SOX5: variants seen among roughly 807,000 people sequenced by gnomAD.
SOX5 encodes transcription factor SOX-5.
Under a neutral mutation model 92.0 loss-of-function variants are expected in SOX5, and 9 were observed. That is an observed-to-expected ratio of 0.10 (90% CI 0.06 to 0.17). The LOEUF is 0.17. Among genes scored for constraint, SOX5 ranks in the 10% least tolerant of loss-of-function variants. SOX5 has a pLI of 1.00. For missense variants in SOX5, 642 were observed against 944.5 expected, an observed-to-expected ratio of 0.68 and a Z score of 4.20; for synonymous variants, 344 against 336.3, an observed-to-expected ratio of 1.02 and a Z score of -0.25.
chr12:23,764,717 A>G (rs1051108528), intron 3 of SOX5, among the ~76,000 whole-genome samples: 2 of 152,116 alleles, frequency 1.3e-5, no homozygotes, highest in Non-Finnish European at 2.9e-5. Context: ...AAAATTGTGA[A>G]AGTGGGTGGT....
chr12:23,695,176 TTC>T (rs1397227546), intron 6 of SOX5, among the ~76,000 whole-genome samples: 2 of 152,114 alleles, frequency 1.3e-5, no homozygotes, highest in East Asian at 3.8e-4. Flanking sequence ...CTGAACTCTG[TTC>T]TGTTCCACTG....
intron 2 of SOX5, among the ~76,000 whole-genome samples, chr12:24,290,643 C>A (rs1018562210): frequency 6.6e-6 from 1 of 152,178 alleles, no homozygotes; most frequent in Non-Finnish European, 1.5e-5. Flanking sequence ...CCACCACCCC[C>A]CTCTCCCAGC....
At chr12:24,081,831 A>G (rs1397744959) in intron 4 of SOX5, among the ~76,000 whole-genome samples, 2 of 151,928 alleles carry the variant, frequency 1.3e-5, no homozygotes. Flanking sequence ...TCACAACTCT[A>G]TCAAACGTGT....
chr12:23,707,714 T>C (rs973044049), intron 6 of SOX5, among the ~76,000 whole-genome samples: 2 of 152,122 alleles, frequency 1.3e-5, no homozygotes, highest in African/African-American at 4.8e-5. Flanking sequence ...TACATTTTCC[T>C]TTCAGGAACT....
At chr12:24,408,537 C>T (rs1963464941) in intron 1 of SOX5, among the ~76,000 whole-genome samples, 1 of 152,110 alleles carries the variant, frequency 6.6e-6, no homozygotes, top group African/African-American at 2.4e-5. Context: ...ACACTTGTTT[C>T]CGCTCCACCC....
chr12:23,794,584 G>C (rs532467263), intron 3 of SOX5, among the ~76,000 whole-genome samples: 16 of 152,222 alleles, frequency 1.1e-4, no homozygotes, highest in Middle Eastern at 3.4e-3. Flanking sequence ...TCATATAGTA[G>C]TCATTTAATC....
chr12:23,996,980 A>T lies in SOX5; in HGVS notation c.-1-100956T>A, dbSNP rs569740958. Among the ~76,000 whole-genome samples, 4 of 152,324 alleles carry T rather than the reference A, an allele frequency of 2.6e-5. 1 individual carries two copies. The highest frequency in any genetic ancestry group is 2.9e-5 in the Non-Finnish European group (2 of 68,034). On this transcript the variant is annotated intron_variant, in intron 4 of 4. Transcript: ENST00000446891. ...GCTAATTTTTTGTCATACAAATTTC[A>T]CCTTAAGAAAATGTTGAAGGAGAGT...
At chr12:23,801,006 A>G (rs1336087192) in intron 3 of SOX5, among the ~76,000 whole-genome samples, 1 of 152,122 alleles carries the variant, frequency 6.6e-6, no homozygotes, top group African/African-American at 2.4e-5. Flanking sequence ...AAACCTTGAG[A>G]GATGCTTCTC....
intron 1 of SOX5, among the ~76,000 whole-genome samples, chr12:24,412,780 C>CTTTTTT (rs35640190): frequency 7.6e-6 from 1 of 132,444 alleles, no homozygotes; most frequent in Admixed American, 7.9e-5. Context: ...ATTAGATTTT[C>CTTTTTT]TTTTTTTTTT....
chr12:23,745,054 T>A (rs1047159369), intron 4 of SOX5, among the ~76,000 whole-genome samples: 1 of 152,164 alleles, frequency 6.6e-6, no homozygotes, highest in East Asian at 1.9e-4. Flanking sequence ...ATTCCCTTTG[T>A]AAAGATCCTG....
chr12:23,804,615 A>G (rs1352524138), intron 3 of SOX5, among the ~76,000 whole-genome samples: 1 of 151,940 alleles, frequency 6.6e-6, no homozygotes, highest in African/African-American at 2.4e-5. Flanking sequence ...TTTGCCCTAC[A>G]TCCTCAATAA....
intron 4 of SOX5, among the ~76,000 whole-genome samples, chr12:24,064,451 T>C (rs1160252728): frequency 2.0e-5 from 3 of 152,240 alleles, no homozygotes; most frequent in Admixed American, 6.5e-5. Flanking sequence ...GTTACATATA[T>C]GTAACTCATA....
At position 23,560,145 on chromosome 12, in the gene SOX5, G is replaced by A. The variant is rs1345929835; in HGVS notation, c.1488+3113C>T. Among the ~76,000 whole-genome samples the A allele has an allele frequency of 2.6e-5, 4 of 152,076 alleles. No individual in the cohort carries two copies. In the South Asian group the frequency reaches 6.2e-4, roughly 24 times the overall value. On this transcript the variant is annotated intron_variant, in intron 11 of 14. Transcript: ENST00000451604. Reference sequence around the variant, plus strand: ...AGGCTGGTCTCGAGCTCCTGACCTCGTGATCCCCCCGCCTCGGCCTCCCAA... The same window carrying A: ...AGGCTGGTCTCGAGCTCCTGACCTCATGATCCCCCCGCCTCGGCCTCCCAA...
chr12:23,838,019 A>ACATTTATATTTATAT, intron 3 of SOX5, among the ~76,000 whole-genome samples: 1 of 108,170 alleles, frequency 9.2e-6, no homozygotes, highest in African/African-American at 4.0e-5. Flanking sequence ...TTTATATAAT[A>ACATTTATATTTATAT]TATATACATT....
intron 4 of SOX5, among the ~76,000 whole-genome samples, chr12:23,748,500 GAAATC>G: frequency 6.6e-6 from 1 of 152,004 alleles, no homozygotes; most frequent in South Asian, 2.1e-4. Context: ...TAAATGGCTT[GAAATC>G]AAATCATCAA....
intron 6 of SOX5, among the ~76,000 whole-genome samples, chr12:23,681,113 A>G (rs1248606330): frequency 1.3e-5 from 2 of 152,078 alleles, no homozygotes; most frequent in Middle Eastern, 3.2e-3. Context: ...GCTCAATTCA[A>G]CAATATTAGC....
At chr12:24,448,115 G>A (rs1290757290) in intron 1 of SOX5, among the ~76,000 whole-genome samples, 2 of 152,182 alleles carry the variant, frequency 1.3e-5, no homozygotes, top group African/African-American at 4.8e-5. Context: ...CCGAGGGGCA[G>A]AGGTTGCACT....
intron 4 of SOX5, among the ~76,000 whole-genome samples, chr12:24,035,036 C>T (rs1255481359): frequency 6.6e-6 from 1 of 152,078 alleles, no homozygotes; most frequent in Non-Finnish European, 1.5e-5. Flanking sequence ...AATCCTGTTT[C>T]ACATTTTTGT....
At chr12:24,437,678 A>G (rs976626139) in intron 1 of SOX5, among the ~76,000 whole-genome samples, 1 of 152,218 alleles carries the variant, frequency 6.6e-6, no homozygotes, top group African/African-American at 2.4e-5. Context: ...ATCAAACATG[A>G]AAAAAAGCTC....
Sources: gnomAD v4.1 joint callset for allele counts (sites outside exome capture counted in the v4.1 genomes callset) on GRCh38, gnomAD v4.1.1 for gene constraint, MANE v1.5 for transcripts, NCBI Gene and HGNC (gene_info 2026-07-23, HGNC 2026-07-21) for gene names.